Variants in EGFR observed in about 807,000 individuals in gnomAD.
EGFR encodes avian erythroblastic leukemia viral (v-erb-b) oncogene homolog.
In EGFR, 58 loss-of-function variants were observed where a neutral mutation model predicts 143.0. That is an observed-to-expected ratio of 0.41 (90% confidence interval 0.33 to 0.50). The LOEUF is 0.50. EGFR is among the 20% of genes least tolerant of loss of function. EGFR has a pLI of 0.39. For synonymous variants in EGFR, 613 were observed against 594.4 expected (o/e 1.03, Z -0.45); for missense variants, 1,307 against 1,579.0 (o/e 0.83, Z 2.92).
intron 1 of EGFR, among the ~76,000 whole-genome samples, chr7:55,141,045 A>G (rs1315090839): frequency 1.3e-5 from 2 of 152,226 alleles, no homozygotes; most frequent in Non-Finnish European, 2.9e-5. Flanking sequence ...AAAAGCATTG[A>G]AGAAAGTGCC....
chr7:55,153,714 C>T (rs749499070), intron 6 of EGFR, among the ~76,000 whole-genome samples: 2 of 152,078 alleles, frequency 1.3e-5, no homozygotes, highest in Non-Finnish European at 2.9e-5. Flanking sequence ...CCATAGTCAC[C>T]GCTATAATGT....
In EGFR at chr7:55,154,647, T is replaced by C. The variant is rs185782792; in HGVS notation, c.889+495T>C. On this transcript the variant is annotated intron_variant, in intron 7 of 27. Coordinates refer to ENST00000275493, the MANE Select transcript of EGFR (RefSeq NM_005228.5). ...GAGTATTGCAGAGGTTTTGTTTTTGTTTTTATTTTGTTTTGTTTTAATGGT... is the reference window on the plus strand; with the variant it reads ...GAGTATTGCAGAGGTTTTGTTTTTGCTTTTATTTTGTTTTGTTTTAATGGT... Among the ~76,000 whole-genome samples, 107 of 152,370 alleles carry C rather than the reference T, an allele frequency of 7.0e-4. 1 individual carries two copies. The highest frequency in any genetic ancestry group is 2.1e-3 in the African/African-American group (89 of 41,594).
intron 1 of EGFR, among the ~76,000 whole-genome samples, chr7:55,099,506 C>T (rs1791676413): frequency 6.6e-6 from 1 of 152,232 alleles, no homozygotes; most frequent in Non-Finnish European, 1.5e-5. Flanking sequence ...GCAGGACATG[C>T]AGTCCCAGAT....
chr7:55,090,860 C>G (rs1791066785), intron 1 of EGFR, among the ~76,000 whole-genome samples: 1 of 152,200 alleles, frequency 6.6e-6, no homozygotes. Flanking sequence ...TCATTTTAAC[C>G]ATGAAGAACT....
chr7:55,157,085 C>G, intron 10 of EGFR: 1 of 865,444 alleles, frequency 1.2e-6, no homozygotes, highest in Non-Finnish European at 1.7e-6. Flanking sequence ...AGCCAGCTGC[C>G]TTGGTGGCCC....
chr7:55,162,348 A>C (rs935305252), intron 13 of EGFR, among the ~76,000 whole-genome samples: 2 of 152,282 alleles, frequency 1.3e-5, no homozygotes, highest in Admixed American at 1.3e-4. Flanking sequence ...AGATGGCTGT[A>C]GGAATTCTTC....
chr7:55,027,546 T>C (rs1462505301), intron 1 of EGFR, among the ~76,000 whole-genome samples: 3 of 152,194 alleles, frequency 2.0e-5, no homozygotes, highest in Non-Finnish European at 4.4e-5. Flanking sequence ...AAAATGATCC[T>C]TTTTAAAAGT....
At chr7:55,023,552 G>A (rs1177780151) in intron 1 of EGFR, among the ~76,000 whole-genome samples, 4 of 150,938 alleles carry the variant, frequency 2.7e-5, no homozygotes, top group Non-Finnish European at 5.9e-5. Flanking sequence ...TCAGGAGGCT[G>A]AGGCAGGAGA....
chr7:55,099,930 G>A (rs527413817), intron 1 of EGFR, among the ~76,000 whole-genome samples: 18 of 152,262 alleles, frequency 1.2e-4, no homozygotes, highest in Admixed American at 7.8e-4. Flanking sequence ...AGACAGAACC[G>A]ATGCATCAAA....
At chr7:55,148,527 G>A (rs571115099) in intron 4 of EGFR, among the ~76,000 whole-genome samples, 42 of 152,186 alleles carry the variant, frequency 2.8e-4, no homozygotes, top group Admixed American at 1.6e-3. Flanking sequence ...AATAAGCCTA[G>A]CAAAATCAAA....
At chr7:55,184,863 CT>C (rs1787061969) in intron 20 of EGFR, among the ~76,000 whole-genome samples, 1 of 152,142 alleles carries the variant, frequency 6.6e-6, no homozygotes, top group Non-Finnish European at 1.5e-5. Flanking sequence ...GAAATTTGCT[CT>C]TGGGTTACTT....
chr7:55,202,919 C>T (rs1012124370), intron 27 of EGFR: 12 of 636,138 alleles, frequency 1.9e-5, no homozygotes, highest in African/African-American at 1.8e-4. Context: ...TGTGAGTGTT[C>T]ATGATGTGTG....
intron 22 of EGFR, among the ~76,000 whole-genome samples, chr7:55,197,901 C>A (rs1356866323): frequency 1.3e-5 from 2 of 152,130 alleles, no homozygotes; most frequent in Non-Finnish European, 2.9e-5. Flanking sequence ...TTCGATTTGC[C>A]AGTATTTTGT....
At chr7:55,026,508 A>G (rs1446151300) in intron 1 of EGFR, among the ~76,000 whole-genome samples, 2 of 152,264 alleles carry the variant, frequency 1.3e-5, no homozygotes, top group Non-Finnish European at 2.9e-5. Flanking sequence ...CCTAATGGCT[A>G]AGGTCAGCAT....
intron 1 of EGFR, among the ~76,000 whole-genome samples, chr7:55,103,172 C>A (rs1196284066): frequency 2.0e-5 from 3 of 152,110 alleles, no homozygotes; most frequent in Admixed American, 1.3e-4. Context: ...AATGTCCTCC[C>A]CTTCTTTGAG....
At chr7:55,113,631 T>G (rs767498059) in intron 1 of EGFR, among the ~76,000 whole-genome samples, 1 of 152,236 alleles carries the variant, frequency 6.6e-6, no homozygotes, top group Non-Finnish European at 1.5e-5. Context: ...CTCAATTAGA[T>G]TCACTATTTC....
At chr7:55,113,573 T>G (rs1792650155) in intron 1 of EGFR, among the ~76,000 whole-genome samples, 1 of 152,190 alleles carries the variant, frequency 6.6e-6, no homozygotes, top group African/African-American at 2.4e-5. Flanking sequence ...GTTTTGTCAA[T>G]GTACCTCCTT....
At chr7:55,153,501 T>A (rs1241867324) in intron 6 of EGFR, among the ~76,000 whole-genome samples, 1 of 152,194 alleles carries the variant, frequency 6.6e-6, no homozygotes, top group African/African-American at 2.4e-5. Flanking sequence ...CTGAGCTGTT[T>A]CTAATGTGAG....
At chr7:55,152,918 A>G (rs1024333204) in intron 6 of EGFR, among the ~76,000 whole-genome samples, 3 of 152,366 alleles carry the variant, frequency 2.0e-5, no homozygotes. Flanking sequence ...AGTCTCTCCC[A>G]GTTGAATGCT....
Sources: allele counts gnomAD v4.1 joint callset (sites outside exome capture counted in the v4.1 genomes callset), GRCh38; gene constraint gnomAD v4.1.1; transcripts MANE v1.5; gene names NCBI Gene and HGNC (gene_info 2026-07-23, HGNC 2026-07-21).